MPRIP: variants seen among roughly 807,000 people sequenced by gnomAD.
The protein encoded by MPRIP is myosin phosphatase Rho interacting protein.
Under a neutral mutation model 234.9 loss-of-function variants are expected in MPRIP, and 59 were observed. The ratio of observed to expected loss-of-function variants is 0.25; its 90% CI spans 0.20 to 0.31. The LOEUF is 0.31. MPRIP is among the 10% of genes least tolerant of loss of function. The pLI is 1.00. For missense variants in MPRIP, 2,436 were observed against 3,071.0 expected (o/e 0.79, Z 4.89); for synonymous variants, 1,144 against 1,263.9 (o/e 0.91, Z 2.01).
At chr17:17,173,704 G>A (rs772146774) in intron 18 of MPRIP, 6 of 694,858 alleles carry the variant, frequency 8.6e-6, no homozygotes, top group Non-Finnish European at 1.6e-5. Flanking sequence ...AGTGCTAGCT[G>A]TAGGACTGTC....
At chr17:17,105,970 A>T (rs538342141) in intron 3 of MPRIP, among the ~76,000 whole-genome samples, 5 of 152,384 alleles carry the variant, frequency 3.3e-5, no homozygotes. Flanking sequence ...AGACAAAAAA[A>T]CATGTGCATC....
intron 20 of MPRIP, among the ~76,000 whole-genome samples, chr17:17,175,665 C>G (rs2046239579): frequency 6.6e-6 from 1 of 152,232 alleles, no homozygotes. Context: ...TCCACCCACT[C>G]CCCTCCATTT....
chr17:17,073,880 A>G (rs942378113), intron 1 of MPRIP, among the ~76,000 whole-genome samples: 2 of 152,060 alleles, frequency 1.3e-5, no homozygotes, highest in African/African-American at 4.8e-5. Context: ...TCTGCAGCCA[A>G]CACCCACTCC....
At chr17:17,125,619 G>C (rs1479408292) in intron 3 of MPRIP, among the ~76,000 whole-genome samples, 5 of 152,238 alleles carry the variant, frequency 3.3e-5, no homozygotes, top group Admixed American at 3.3e-4. Context: ...GAAGGTCGGG[G>C]TGTGGAGAGT....
At chr17:17,131,198 T>A (rs1172476212) in intron 4 of MPRIP, among the ~76,000 whole-genome samples, 1 of 152,044 alleles carries the variant, frequency 6.6e-6, no homozygotes, top group East Asian at 1.9e-4. Context: ...GTACCCATTG[T>A]GGGAACTTGA....
In MPRIP at chr17:17,167,876, A is replaced by G. The variant is rs200527530; in HGVS notation, c.6285A>G (p.Thr2095=). ...AGGACCTGGAGGGCGACGCGGCCAC[A>G]CTGCGTGAGAAGTACCAGAGGGACT... The part of the protein sequence containing the change: ...GHKDLEGDAA[T]LREKYQRDLE... Residue 2095 remains threonine, a synonymous_variant, in exon 16 of 24, where the codon ACA becomes ACG. Transcript: ENST00000651222. The surrounding 1 kb of genome is among the most constrained non-coding windows in gnomAD (Gnocchi z 5.9). The G allele has an allele frequency of 1.4e-4, 179 of 1,304,098 alleles. No individual in the cohort carries two copies. Among genetic ancestry groups the G allele is most frequent in the Non-Finnish European group, 1.7e-4 (168 of 988,956 alleles). 80.8% of individuals were successfully genotyped at this position (1,304,098 alleles called of 1,614,324 possible). A position where few individuals can be genotyped will look rare whatever the true frequency, so the allele number is the denominator to read the frequency against.
rs1329200702 is a variant in MPRIP, at chr17:17,164,218, A to G, written c.2627A>G (p.His876Arg). 1.5e-6 allele frequency: 2 copies of G among 1,304,244 alleles called. No individual in the cohort carries two copies. The highest frequency in any genetic ancestry group is 3.0e-5 in the African/African-American group (2 of 65,878). The allele number at this position is 1,304,244 out of a possible 1,614,324, so 80.8% of individuals were successfully genotyped here. A position where few individuals can be genotyped will look rare whatever the true frequency, so the allele number is the denominator to read the frequency against. The change falls in exon 16 of 24, where the codon CAC becomes CGC. Residue 876 changes from histidine to arginine, a missense_variant. Coordinates refer to ENST00000651222, the MANE Select transcript of MPRIP (RefSeq NM_001364716.4). ...TGCCAGCGCCAGGAGCTGATTACAC[A>G]CCAGATTCAGACCCTGAAGCGTAGC... ...AQCQRQELIT[H>R]QIQTLKRSYG...
chr17:17,126,254 C>T (rs2090487885), intron 3 of MPRIP, among the ~76,000 whole-genome samples: 1 of 152,198 alleles, frequency 6.6e-6, no homozygotes, highest in Non-Finnish European at 1.5e-5. Flanking sequence ...AGGCACAGTG[C>T]ACCCACCCCA....
intron 3 of MPRIP, among the ~76,000 whole-genome samples, chr17:17,126,151 G>A (rs2090486261): frequency 6.6e-6 from 1 of 152,322 alleles, no homozygotes; most frequent in Non-Finnish European, 1.5e-5. Flanking sequence ...CCATGCCAGA[G>A]CTGGTGTGGC....
chr17:17,178,757 A>T (rs2046311206), intron 22 of MPRIP: 1 of 151,450 alleles, frequency 6.6e-6, no homozygotes, highest in Admixed American at 6.6e-5. Flanking sequence ...TCTACAAAAA[A>T]TACAAAAAAA....
At chr17:17,057,808 T>C (rs879200170) in intron 1 of MPRIP, 1 of 681,682 alleles carries the variant, frequency 1.5e-6, no homozygotes, top group South Asian at 1.6e-5. Flanking sequence ...TCCAGGGATC[T>C]TCACAGTTTG....
intron 12 of MPRIP, among the ~76,000 whole-genome samples, chr17:17,150,640 C>T (rs2045579990): frequency 6.9e-6 from 1 of 145,474 alleles, no homozygotes; most frequent in Admixed American, 7.1e-5. Flanking sequence ...ACTTACAAGG[C>T]TATTTTTTCC....
chr17:17,118,755 C>T (rs1445543019), intron 3 of MPRIP, among the ~76,000 whole-genome samples: 4 of 152,182 alleles, frequency 2.6e-5, no homozygotes, highest in Admixed American at 2.6e-4. Flanking sequence ...TACTCTGGGC[C>T]TGCATGGGAT....
intron 9 of MPRIP, among the ~76,000 whole-genome samples, chr17:17,145,571 G>T (rs2045444196): frequency 6.6e-6 from 1 of 152,244 alleles, no homozygotes; most frequent in African/African-American, 2.4e-5. Flanking sequence ...CGGGGCTGCA[G>T]CTGCTGCTTC....
Position 17,176,408 on chromosome 17 carries a change from A to T in MPRIP, c.6871-18A>T. 1.3e-6 allele frequency: 2 copies of T among 1,599,494 alleles called. No individual in the cohort carries two copies. Among genetic ancestry groups the T allele is most frequent in the Non-Finnish European group, 1.7e-6 (2 of 1,166,752 alleles). The stretch of plus-strand genomic sequence containing the variant: ...CTTTGCTCCTGAATATTGGTCCCTG[A>T]TCTCTCTGTCATTTTAGGTCTTATT... On this transcript the variant is annotated intron_variant, in intron 20 of 23. Coordinates refer to ENST00000651222, the MANE Select transcript of MPRIP (RefSeq NM_001364716.4).
chr17:17,115,866 A>G (rs747595447), intron 3 of MPRIP, among the ~76,000 whole-genome samples: 1 of 152,166 alleles, frequency 6.6e-6, no homozygotes, highest in Non-Finnish European at 1.5e-5. Context: ...CTGATCATGC[A>G]AAGGCCATTC....
intron 1 of MPRIP, among the ~76,000 whole-genome samples, chr17:17,064,142 A>T (rs2088948760): frequency 6.6e-6 from 1 of 151,246 alleles, no homozygotes; most frequent in Non-Finnish European, 1.5e-5. Context: ...TACCCTGTAG[A>T]CCCCTGAGGA....
intron 1 of MPRIP, among the ~76,000 whole-genome samples, chr17:17,074,763 G>C (rs530335698): frequency 1.3e-5 from 2 of 152,246 alleles, no homozygotes; most frequent in South Asian, 4.2e-4. Context: ...TGGCTTCTTT[G>C]ACTTAGCATC....
chr17:17,142,085 C>T (rs919592324), intron 7 of MPRIP: 1 of 155,644 alleles, frequency 6.4e-6, no homozygotes. Flanking sequence ...CCCATCTAAG[C>T]TCCGTCTCCG....
Sources: gnomAD v4.1 joint callset for allele counts (sites outside exome capture counted in the v4.1 genomes callset) on GRCh38, gnomAD v4.1.1 for gene constraint, Gnocchi (gnomAD v3.1) non-coding constraint, MANE v1.5 for transcripts, NCBI Gene and HGNC (gene_info 2026-07-23, HGNC 2026-07-21) for gene names.